The following HDAC4 variants were observed in gnomAD, a reference collection of about 807,000 sequenced individuals.
HDAC4 encodes the protein histone deacetylase 4, also known as histone deacetylase A.
HDAC4 carries 16 observed loss-of-function variants against 135.1 expected under a neutral mutation model. The ratio of observed to expected loss-of-function variants is 0.12; its 90% CI spans 0.08 to 0.18. The LOEUF (loss-of-function observed/expected upper bound fraction) is 0.18, where lower values mean the gene tolerates loss of function less well. Ranked by LOEUF, HDAC4 falls within the 10% of genes least tolerant of loss-of-function variation. The pLI is 1.00. For synonymous variants in HDAC4, 685 were observed against 653.4 expected, an observed-to-expected ratio of 1.05 and a Z score of -0.74; for missense variants, 1,143 against 1,511.8, an observed-to-expected ratio of 0.76 and a Z score of 4.05.
intron 12 of HDAC4, among the ~76,000 whole-genome samples, chr2:239,120,391 A>AGACGCACACACAGAC (rs1553622853): frequency 6.7e-6 from 1 of 149,890 alleles, no homozygotes; most frequent in Non-Finnish European, 1.5e-5. Flanking sequence ...AGGCACACAC[A>AGACGCACACACAGAC]GACGCACACA....
chr2:239,100,704 G>A (rs987860088), intron 16 of HDAC4, among the ~76,000 whole-genome samples: 2 of 152,156 alleles, frequency 1.3e-5, no homozygotes, highest in Non-Finnish European at 2.9e-5. Context: ...CTATTTGTTG[G>A]GAACCCCTGA....
At position 239,090,430 on chromosome 2, in the gene HDAC4, CCTTTT is replaced by C. The variant is rs200017327; in HGVS notation, c.2281-319_2281-315del. On this transcript the variant is annotated intron_variant, in intron 17 of 26. Coordinates refer to ENST00000543185, the MANE Select transcript of HDAC4 (RefSeq NM_001378414.1). ...GTAATGATGTCAAGGTGATCTATTT[CCTTTT>C]TTTTTTTTTTTTTTTTAACTGGAAC... is the stretch of plus-strand genomic sequence containing the variant. Among the ~76,000 whole-genome samples the C allele has an allele frequency of 4.2e-3, 544 of 128,226 alleles. 3 individuals are homozygous for C. Among genetic ancestry groups the C allele is most frequent in the Non-Finnish European group, 7.2e-3 (448 of 62,564 alleles). The allele number at this position is 128,226 out of a possible 152,430, so 84.1% of individuals were successfully genotyped here. A position where few individuals can be genotyped will look rare whatever the true frequency, so the allele number is the denominator to read the frequency against.
intron 2 of HDAC4, among the ~76,000 whole-genome samples, chr2:239,323,099 C>T (rs1274207924): frequency 6.6e-6 from 1 of 152,204 alleles, no homozygotes; most frequent in Non-Finnish European, 1.5e-5. Context: ...AACATAAAGA[C>T]ACATGTGCAA....
intron 2 of HDAC4, among the ~76,000 whole-genome samples, chr2:239,256,739 G>C (rs1305194690): frequency 6.6e-6 from 1 of 152,176 alleles, no homozygotes; most frequent in Non-Finnish European, 1.5e-5. Flanking sequence ...AGCTACCTAT[G>C]GGGAAACAGA....
intron 7 of HDAC4, among the ~76,000 whole-genome samples, chr2:239,148,116 C>T (rs547908794): frequency 5.9e-5 from 9 of 152,180 alleles, no homozygotes; most frequent in South Asian, 2.1e-4. Flanking sequence ...AGAGAATGCA[C>T]GCAATATCGC....
intron 22 of HDAC4, among the ~76,000 whole-genome samples, chr2:239,071,962 T>C (rs888463899): frequency 3.9e-5 from 6 of 152,232 alleles, no homozygotes; most frequent in South Asian, 4.1e-4. Context: ...TTGATGTGGA[T>C]GGTCTGCAGC....
chr2:239,392,889 C>T (rs1262861010), intron 1 of HDAC4, among the ~76,000 whole-genome samples: 1 of 152,196 alleles, frequency 6.6e-6, no homozygotes, highest in East Asian at 1.9e-4. Flanking sequence ...GCCTCAGACC[C>T]GGAATTCTGG....
At chr2:239,360,681 G>A (rs879889067) in intron 1 of HDAC4, among the ~76,000 whole-genome samples, 8 of 151,076 alleles carry the variant, frequency 5.3e-5, no homozygotes, top group Admixed American at 1.3e-4. Context: ...ACTAGACAGG[G>A]AGCGGGGACG....
chr2:239,168,772 C>T (rs943972991), intron 5 of HDAC4, among the ~76,000 whole-genome samples: 1 of 152,190 alleles, frequency 6.6e-6, no homozygotes, highest in African/African-American at 2.4e-5. Flanking sequence ...TGCGGCCCTG[C>T]GTCCTCACCA....
At chr2:239,151,439 C>G (rs919631233) in intron 7 of HDAC4, among the ~76,000 whole-genome samples, 2 of 152,230 alleles carry the variant, frequency 1.3e-5, no homozygotes, top group Admixed American at 1.3e-4. Flanking sequence ...CCCACCCTAT[C>G]TGCACATCTA....
rs1189832651 is a variant in HDAC4 at position 239,282,580 on chromosome 2, C to G, written c.23-45916G>C. 3.3e-5 allele frequency among the ~76,000 whole-genome samples: 5 copies of G among 149,578 alleles called. No homozygotes were observed. In the South Asian group the frequency reaches 1.1e-3, roughly 32 times the overall value. On this transcript the variant is annotated intron_variant, in intron 2 of 26. Coordinates refer to ENST00000543185, the MANE Select transcript of HDAC4 (RefSeq NM_001378414.1). Reference sequence around the variant, plus strand: ...CACTCTACACACAATGAACACACCACTCTACAATGTACACACCACTCTGCA... The same window carrying G: ...CACTCTACACACAATGAACACACCAGTCTACAATGTACACACCACTCTGCA...
At chr2:239,361,670 G>T (rs952761147) in intron 1 of HDAC4, among the ~76,000 whole-genome samples, 7 of 152,172 alleles carry the variant, frequency 4.6e-5, no homozygotes, top group Admixed American at 4.6e-4. Flanking sequence ...TTTTCTATTG[G>T]ATATGGGATG....
chr2:239,258,878 T>C (rs1014216336), intron 2 of HDAC4, among the ~76,000 whole-genome samples: 4 of 152,172 alleles, frequency 2.6e-5, no homozygotes, highest in Non-Finnish European at 4.4e-5. Flanking sequence ...CCAGACTGCA[T>C]AGAAGAACAT....
intron 24 of HDAC4, among the ~76,000 whole-genome samples, chr2:239,059,209 T>C (rs2032311377): frequency 6.6e-6 from 1 of 152,170 alleles, no homozygotes; most frequent in Admixed American, 6.5e-5. Context: ...GTTGGAGCCA[T>C]TTACAGCCCT....
intron 4 of HDAC4, among the ~76,000 whole-genome samples, chr2:239,184,642 A>G (rs1575331039): frequency 8.7e-6 from 1 of 114,756 alleles, no homozygotes; most frequent in East Asian, 3.3e-4. Flanking sequence ...GGGGTCCCTC[A>G]GTGTCTGTCC....
At chr2:239,371,262 C>G (rs1006281186) in intron 1 of HDAC4, among the ~76,000 whole-genome samples, 1 of 152,218 alleles carries the variant, frequency 6.6e-6, no homozygotes, top group African/African-American at 2.4e-5. Flanking sequence ...ACCTCAAACT[C>G]ACACACTCAA....
chr2:239,135,292 G>C (rs1030134162), intron 9 of HDAC4, among the ~76,000 whole-genome samples: 1 of 152,124 alleles, frequency 6.6e-6, no homozygotes, highest in Admixed American at 6.6e-5. Context: ...CTGCCTCTAC[G>C]AAAGGTGGGC....
intron 7 of HDAC4, among the ~76,000 whole-genome samples, chr2:239,152,530 C>A (rs1336096064): frequency 6.6e-6 from 1 of 152,256 alleles, no homozygotes; most frequent in East Asian, 1.9e-4. Flanking sequence ...AGAGCTGGAC[C>A]TGAGGCCCTG....
intron 3 of HDAC4, among the ~76,000 whole-genome samples, chr2:239,224,008 T>C (rs529107622): frequency 7.6e-4 from 116 of 152,186 alleles, no homozygotes; most frequent in African/African-American, 2.7e-3. Flanking sequence ...CGCCAACGCC[T>C]ACCACTCAGT....
Sources: allele counts gnomAD v4.1 joint callset (sites outside exome capture counted in the v4.1 genomes callset), GRCh38; gene constraint gnomAD v4.1.1; transcripts MANE v1.5; gene names NCBI Gene and HGNC (gene_info 2026-07-23, HGNC 2026-07-21).